Variants in ARL10 observed in about 807,000 individuals in gnomAD.
The protein encoded by ARL10 is ADP-ribosylation factor-like protein 10.
In ARL10, 23 loss-of-function variants were observed where a neutral mutation model predicts 26.1. The ratio of observed to expected loss-of-function variants is 0.88; its 90% CI spans 0.63 to 1.25. The LOEUF (loss-of-function observed/expected upper bound fraction) is 1.25, where lower values mean the gene tolerates loss of function less well. Among genes scored for constraint, ARL10 ranks in the 50% most tolerant of loss-of-function variants. ARL10 has a pLI of 0.00. For synonymous variants in ARL10, 138 were observed against 149.1 expected, an observed-to-expected ratio of 0.93 and a Z score of 0.54; for missense variants, 300 against 323.6, an observed-to-expected ratio of 0.93 and a Z score of 0.56.
downstream of ARL10, chr5:176,386,037 T>G (rs1488293360): frequency 6.6e-6 from 1 of 152,576 alleles, no homozygotes; most frequent in Non-Finnish European, 1.5e-5. Context: ...TAGAGGAAGA[T>G]GGGGAGTTGT....
At chr5:176,394,950 C>A (rs1581422658) in intron 1 of ARL10, among the ~76,000 whole-genome samples, 1 of 152,186 alleles carries the variant, frequency 6.6e-6, no homozygotes, top group Non-Finnish European at 1.5e-5. Context: ...CCATGCCCAT[C>A]TGACATCCCC....
chr5:176,391,308 C>T (rs889407435), downstream of ARL10, among the ~76,000 whole-genome samples: 1 of 152,168 alleles, frequency 6.6e-6, no homozygotes, highest in South Asian at 2.1e-4. Context: ...TGAAGTCCTT[C>T]TAGTGCCTTA....
chr5:176,410,710 G>A, the ARL10 span, among the ~76,000 whole-genome samples: 1 of 151,584 alleles, frequency 6.6e-6, no homozygotes, highest in South Asian at 2.1e-4. Flanking sequence ...CTGAGCTGCT[G>A]TAAGCTCAGG....
Position 176,373,585 on chromosome 5 carries a change from G to A in ARL10, c.*1690G>A, listed in dbSNP as rs7716378. On this transcript the variant is annotated 3_prime_UTR_variant, in exon 4 of 4. Transcript: ENST00000310389. ...ATAAAAACAGTTCAACAAGCCGCAA[G>A]GAGGGTGGGAAATTCTGAAGTCCAG... is the stretch of plus-strand genomic sequence containing the variant. 19,974 of 152,310 alleles carry A rather than the reference G, an allele frequency of 0.13. 1,560 individuals are homozygous for A. The highest frequency in any genetic ancestry group is 0.22 in the African/African-American group (9,119 of 41,522). The allele number at this position is 152,310 out of a possible 1,614,324, so 9.4% of individuals were successfully genotyped here.
At chr5:176,366,190 T>C (rs1024933133) in intron 1 of ARL10, among the ~76,000 whole-genome samples, 190 bp from the exon 2 acceptor site, 2 of 152,026 alleles carry the variant, frequency 1.3e-5, no homozygotes, top group Non-Finnish European at 2.9e-5. Flanking sequence ...CGCGCGAGCG[T>C]TTAAGGAATT....
chr5:176,375,102 A>ATCCG lies in ARL10; in HGVS notation c.*3210_*3211insGTCC, dbSNP rs909858664. On this transcript the variant is annotated 3_prime_UTR_variant, in exon 4 of 4. Transcript: ENST00000310389. ...CATCCATCCATCCATCCATCCATCC[A>ATCCG]TCCATCCCTCCATCCGTCCACCCGT... 3 of 149,128 alleles carry ATCCG rather than the reference A, an allele frequency of 2.0e-5. No individual in the cohort carries two copies. The highest frequency in any genetic ancestry group is 4.9e-5 in the African/African-American group (2 of 40,448). 9.2% of individuals were successfully genotyped at this position (149,128 alleles called of 1,614,324 possible).
rs369020163 is a variant in ARL10 at position 176,393,982 on chromosome 5, G to A, written c.134-7759G>A. Among the ~76,000 whole-genome samples, 3 of 152,174 alleles carry A rather than the reference G, an allele frequency of 2.0e-5. No individual in the cohort carries two copies. Among genetic ancestry groups the A allele is most frequent in the Admixed American group, 6.5e-5 (1 of 15,282 alleles). On this transcript the variant is annotated intron_variant, in intron 1 of 1. Coordinates refer to the ARL10 transcript ENST00000514533. The surrounding 1 kb of genome is among the most constrained non-coding windows in gnomAD (Gnocchi z 4.4). ...GCCAGACATGACTGATGGCAGGAGC[G>A]CTCCATGGAAGAGCTGACCCCGGAT...
chr5:176,396,599 A>G, intron 1 of ARL10: 1 of 1,099,778 alleles, frequency 9.1e-7, no homozygotes, highest in East Asian at 2.4e-5. Flanking sequence ...ACAGGCAGGC[A>G]GAAGGTTAGA....
the ARL10 span, among the ~76,000 whole-genome samples, chr5:176,409,645 C>T: frequency 6.6e-6 from 1 of 151,892 alleles, no homozygotes; most frequent in Non-Finnish European, 1.5e-5. Context: ...GAACTCTGAC[C>T]TCACGTGATC....
chr5:176,411,026 C>A, the ARL10 span, among the ~76,000 whole-genome samples: 1 of 152,244 alleles, frequency 6.6e-6, no homozygotes, highest in African/African-American at 2.4e-5. Flanking sequence ...ACCTCACCAC[C>A]TTGCACCTGC....
In ARL10 at chr5:176,374,739, T is replaced by A. The variant is rs550636632; in HGVS notation, c.*2844T>A. 1 of 152,376 alleles carries A rather than the reference T, an allele frequency of 6.6e-6. No individual in the cohort carries two copies. Among genetic ancestry groups the A allele is most frequent in the African/African-American group, 2.4e-5 (1 of 41,594 alleles). The allele number at this position is 152,376 out of a possible 1,614,324, so 9.4% of individuals were successfully genotyped here. The stretch of plus-strand genomic sequence containing the variant: ...CTTTTGGTAACACAAGTCATGGTGA[T>A]TGGGATACCCACTAAAAGAAACATG... On this transcript the variant is annotated 3_prime_UTR_variant, in exon 4 of 4. Coordinates refer to ENST00000310389, the MANE Select transcript of ARL10 (RefSeq NM_173664.6).
rs1755544815 is a variant in ARL10, at chr5:176,381,185, G to T, written c.*9290G>T. On this transcript the variant is annotated 3_prime_UTR_variant, in exon 4 of 4. Coordinates refer to ENST00000310389, the MANE Select transcript of ARL10 (RefSeq NM_173664.6). ...AACTGGATCCATCCAGTTTATTATG[G>T]GATGCAGTCCAATCCAGGACCCAGT... 6.6e-6 allele frequency: 1 copy of T among 152,134 alleles called. No homozygotes were observed. The highest frequency in any genetic ancestry group is 2.4e-5 in the African/African-American group (1 of 41,418). 9.4% of individuals were successfully genotyped at this position (152,134 alleles called of 1,614,324 possible).
downstream of ARL10, chr5:176,406,070 T>G (rs1757106556): frequency 1.2e-6 from 1 of 833,832 alleles, no homozygotes; most frequent in Admixed American, 6.2e-5. Flanking sequence ...TCCGGGCTGC[T>G]CAGAACTTAT....
At position 176,375,254 on chromosome 5, in the gene ARL10, A is replaced by C; in HGVS notation, c.*3359A>C. On this transcript the variant is annotated 3_prime_UTR_variant, in exon 4 of 4. Transcript: ENST00000310389. ...CATCCATCCATCCATCCATCCTTCC[A>C]TCCATCCACCCATCCACCCATCCAT... 7.3e-6 allele frequency: 1 copy of C among 136,210 alleles called. No homozygotes were observed. The highest frequency in any genetic ancestry group is 1.6e-5 in the Non-Finnish European group (1 of 64,286). The allele number at this position is 136,210 out of a possible 1,614,324, so 8.4% of individuals were successfully genotyped here.
At position 176,378,509 on chromosome 5, in the gene ARL10, A is replaced by G. The variant is rs576629592; in HGVS notation, c.*6614A>G. ...GAAGTGAGAAACCCTCTTTGTTTCCATAACATGCCAAAATTGTGGACTGCA... is the reference window on the plus strand; with the variant it reads ...GAAGTGAGAAACCCTCTTTGTTTCCGTAACATGCCAAAATTGTGGACTGCA... On this transcript the variant is annotated 3_prime_UTR_variant, in exon 4 of 4. Transcript: ENST00000310389. The G allele has an allele frequency of 1.4e-4, 21 of 152,374 alleles. No homozygotes were observed. Among genetic ancestry groups the G allele is most frequent in the Non-Finnish European group, 2.9e-4 (20 of 68,044 alleles). 9.4% of individuals were successfully genotyped at this position (152,374 alleles called of 1,614,324 possible).
At chr5:176,403,233 A>G (rs749552393), downstream of ARL10, among the ~76,000 whole-genome samples, 11 of 151,804 alleles carry the variant, frequency 7.2e-5, no homozygotes, top group Non-Finnish European at 1.6e-4. Context: ...TATTTTTAGT[A>G]GAGACGGGGT....
the ARL10 span, among the ~76,000 whole-genome samples, chr5:176,414,238 G>A: frequency 2.0e-5 from 3 of 152,128 alleles, no homozygotes; most frequent in Non-Finnish European, 4.4e-5. Flanking sequence ...CAGAGGTGTG[G>A]TCCAGTGAAT....
chr5:176,387,102 G>C (rs965270734), intron 1 of ARL10, among the ~76,000 whole-genome samples: 1 of 147,310 alleles, frequency 6.8e-6, no homozygotes, highest in African/African-American at 2.5e-5. Flanking sequence ...TTTTCTTTTT[G>C]AGACAGAGTC....
At position 176,365,624 on chromosome 5, in the gene ARL10, G is replaced by C; in HGVS notation, c.61G>C (p.Gly21Arg). 1 of 1,261,084 alleles carries C rather than the reference G, an allele frequency of 7.9e-7. No homozygotes were observed. The highest frequency in any genetic ancestry group is 1.0e-6 in the Non-Finnish European group (1 of 1,004,078). 78.1% of individuals were successfully genotyped at this position (1,261,084 alleles called of 1,614,324 possible). A position where few individuals can be genotyped will look rare whatever the true frequency, so the allele number is the denominator to read the frequency against. The stretch of plus-strand genomic sequence containing the variant: ...GCTGGGCGGCGCCGCGGCGGTGCTG[G>C]GCTCGGTGCTCTTCATCCTCTGGAA... ...LALGGAAAVL[G>R]SVLFILWKTY... The change falls in exon 1 of 4, where the codon GGC becomes CGC. Residue 21 changes from glycine to arginine, a missense_variant. Gly to Arg is a moderately radical substitution (Grantham distance 125, BLOSUM62 -2). Transcript: ENST00000310389.
Sources: gnomAD v4.1 joint callset for allele counts (sites outside exome capture counted in the v4.1 genomes callset) on GRCh38, gnomAD v4.1.1 for gene constraint, Gnocchi (gnomAD v3.1) non-coding constraint, MANE v1.5 for transcripts, NCBI Gene and HGNC (gene_info 2026-07-23, HGNC 2026-07-21) for gene names.